The following SMURF1 variants were observed in gnomAD, a reference collection of about 807,000 sequenced individuals.
The protein encoded by SMURF1 is E3 ubiquitin-protein ligase SMURF1.
A neutral mutation model predicts 98.0 loss-of-function variants in SMURF1; 44 were observed. The ratio of observed to expected loss-of-function variants is 0.45; its 90% CI spans 0.35 to 0.58. The LOEUF (loss-of-function observed/expected upper bound fraction) is 0.58. Among genes scored for constraint, SMURF1 ranks in the 20% least tolerant of loss-of-function variants. The pLI, the probability that SMURF1 is intolerant of heterozygous loss-of-function variation, is 0.00. For missense variants in SMURF1, 687 were observed against 938.4 expected (o/e 0.73, Z 3.50); for synonymous variants, 396 against 374.9 (o/e 1.06, Z -0.65).
At chr7:99,061,716 A>T in intron 2 of SMURF1, 83 bp downstream of exon 2, 1 of 1,103,296 alleles carries the variant, frequency 9.1e-7, no homozygotes. Context: ...TGAAGAGAAT[A>T]TACCCAATCT....
Position 99,030,232 on chromosome 7 carries a change from CTG to C in SMURF1, c.*350_*351del. On this transcript the variant is annotated 3_prime_UTR_variant, in exon 18 of 18. Coordinates refer to ENST00000361368, the MANE Select transcript of SMURF1 (RefSeq NM_181349.3). ...CAATCAGCCACGCCCAGTCCCCTAA[CTG>C]TGAGTTGATGCTCCCGTAAAGAGCT... The C allele has an allele frequency of 4.6e-6, 1 of 217,136 alleles. No homozygotes were observed. Among genetic ancestry groups the C allele is most frequent in the Non-Finnish European group, 9.3e-6 (1 of 107,540 alleles). The allele number at this position is 217,136 out of a possible 1,614,324, so 13.5% of individuals were successfully genotyped here.
intron 1 of SMURF1, among the ~76,000 whole-genome samples, chr7:99,096,633 T>C (rs1282964607): frequency 2.6e-5 from 4 of 152,216 alleles, no homozygotes; most frequent in Non-Finnish European, 5.9e-5. Flanking sequence ...TATATGTGTT[T>C]GTACCTAACA....
chr7:99,095,544 A>G (rs933325274), intron 1 of SMURF1, among the ~76,000 whole-genome samples: 5 of 152,166 alleles, frequency 3.3e-5, no homozygotes, highest in African/African-American at 1.2e-4. Context: ...CTTTTCCCAC[A>G]AGACACTTAT....
Position 99,048,025 on chromosome 7 carries a change from TA to T in SMURF1, c.954-144del. On this transcript the variant is annotated intron_variant, in intron 9 of 17. Coordinates refer to ENST00000361368, the MANE Select transcript of SMURF1 (RefSeq NM_181349.3). ...TTGTTTCCCTGATGACGTAACCAGG[TA>T]CCTAGCTAGCTGTGTCAAACTTGCT... is the stretch of plus-strand genomic sequence containing the variant. The T allele has an allele frequency of 8.2e-6, 6 of 736,048 alleles. No individual in the cohort carries two copies. In the South Asian group the frequency reaches 1.0e-4, roughly 12 times the overall value. 45.6% of individuals were successfully genotyped at this position (736,048 alleles called of 1,614,324 possible). A position where few individuals can be genotyped will look rare whatever the true frequency, so the allele number is the denominator to read the frequency against.
At chr7:99,054,971 CGAG>C (rs1278007283) in intron 5 of SMURF1, 106 bp from the exon 6 acceptor site, 2 of 1,043,840 alleles carry the variant, frequency 1.9e-6, no homozygotes, top group African/African-American at 1.6e-5. Context: ...TCATAAAAAA[CGAG>C]GCATATGTGT....
intron 1 of SMURF1, among the ~76,000 whole-genome samples, chr7:99,108,112 A>C (rs1424974827): frequency 6.6e-6 from 1 of 152,162 alleles, no homozygotes; most frequent in Non-Finnish European, 1.5e-5. Context: ...ACTGTAATGA[A>C]ATTCACAACC....
Position 99,047,254 on chromosome 7 carries a change from A to G in SMURF1, c.1152+430T>C, listed in dbSNP as rs190697146. Reference sequence around the variant, plus strand: ...AAGGAGAGCCCTCAGATGACATCTCATACAAGAAGAGAGGAGGGAGACTAC... The same window carrying G: ...AAGGAGAGCCCTCAGATGACATCTCGTACAAGAAGAGAGGAGGGAGACTAC... On this transcript the variant is annotated intron_variant, in intron 10 of 17. Transcript: ENST00000361368. 1.1e-4 allele frequency among the ~76,000 whole-genome samples: 16 copies of G among 152,290 alleles called. No individual in the cohort carries two copies. In the East Asian group the frequency reaches 3.1e-3, roughly 29 times the overall value.
At chr7:99,093,968 T>G (rs1253230120) in intron 1 of SMURF1, among the ~76,000 whole-genome samples, 1 of 152,182 alleles carries the variant, frequency 6.6e-6, no homozygotes, top group African/African-American at 2.4e-5. Context: ...CATTAATAGC[T>G]CAGTTGAAAT....
rs972849290 is a variant in SMURF1 at position 99,060,725 on chromosome 7, C to A, written c.95-18G>T. The stretch of plus-strand genomic sequence containing the variant: ...AGGGAGCCCTAGAGGAGAGAGGAGA[C>A]CCACACCTAGATGAGACCTCACATC... On this transcript the variant is annotated intron_variant, in intron 2 of 17. Transcript: ENST00000361368. 1.3e-6 allele frequency: 2 copies of A among 1,566,000 alleles called. No homozygotes were observed. Among genetic ancestry groups the A allele is most frequent in the South Asian group, 1.1e-5 (1 of 89,466 alleles).
At position 99,047,812 on chromosome 7, in the gene SMURF1, C is replaced by G; in HGVS notation, c.1024G>C (p.Glu342Gln). Reference sequence around the variant, plus strand: ...CTTTCGTATCTCTGGGCAGGAAGCTCCTCGTCCTCCAGAGAGCCCTCACTG... The same window carrying G: ...CTTTCGTATCTCTGGGCAGGAAGCTGCTCGTCCTCCAGAGAGCCCTCACTG... ...LPSEGSLEDEELPAQRYERDL... is the reference protein window; with the variant it reads ...LPSEGSLEDEQLPAQRYERDL... The change falls in exon 10 of 18, where the codon GAG (glutamate) becomes CAG (glutamine). Residue 342 changes from glutamate (E) to glutamine (Q), a missense_variant. Around this residue, in one of 2 missense-constraint regions of SMURF1, gnomAD observed 415 missense variants for 508.4 expected, o/e 0.82. Transcript: ENST00000361368. 1 of 1,614,202 alleles carries G rather than the reference C, an allele frequency of 6.2e-7. No individual in the cohort carries two copies.
chr7:99,063,265 ATATATATAT>A (rs1796098471), intron 1 of SMURF1, among the ~76,000 whole-genome samples: 5 of 8,158 alleles, frequency 6.1e-4, no homozygotes, highest in Non-Finnish European at 1.6e-3. Flanking sequence ...ATATATATAT[ATATATATAT>A]ATATATATAT....
chr7:99,086,337 C>G (rs1049692213), intron 1 of SMURF1, among the ~76,000 whole-genome samples: 1 of 150,058 alleles, frequency 6.7e-6, no homozygotes, highest in Non-Finnish European at 1.5e-5. Context: ...CAGAGTGAGA[C>G]TCTCTCAAAA....
intron 1 of SMURF1, among the ~76,000 whole-genome samples, chr7:99,063,249 A>G (rs1183674475): frequency 9.8e-4 from 3 of 3,058 alleles, no homozygotes; most frequent in African/African-American, 1.9e-3. Context: ...ATTTATATAT[A>G]TATATATATA....
At position 99,040,322 on chromosome 7, in the gene SMURF1, C is replaced by G. The variant is rs80109397; in HGVS notation, c.1550+56G>C. 8,447 of 1,413,462 alleles carry G rather than the reference C, an allele frequency of 6.0e-3. 35 individuals carry two copies. Among genetic ancestry groups the G allele is most frequent in the Non-Finnish European group, 6.8e-3 (7,353 of 1,075,300 alleles). 87.6% of individuals were successfully genotyped at this position (1,413,462 alleles called of 1,614,324 possible). Reference sequence around the variant, plus strand: ...GCGCGCGCGCGCACGCGCATACATACGATAGACGTGGTGGTGGGCCCTAAG... The same window carrying G: ...GCGCGCGCGCGCACGCGCATACATAGGATAGACGTGGTGGTGGGCCCTAAG... On this transcript the variant is annotated intron_variant, in intron 13 of 17. Coordinates refer to ENST00000361368, the MANE Select transcript of SMURF1 (RefSeq NM_181349.3).
intron 1 of SMURF1, among the ~76,000 whole-genome samples, chr7:99,128,758 T>C (rs1268947669): frequency 1.3e-5 from 2 of 152,242 alleles, no homozygotes; most frequent in Non-Finnish European, 2.9e-5. Context: ...CTCTAAGAGG[T>C]TACCGGCACT....
chr7:99,122,062 C>T (rs1797641348), intron 1 of SMURF1, among the ~76,000 whole-genome samples: 1 of 152,208 alleles, frequency 6.6e-6, no homozygotes, highest in Non-Finnish European at 1.5e-5. Flanking sequence ...GGGCAGGTGG[C>T]TCACGCCTGT....
At chr7:99,130,372 G>A (rs553839060) in intron 1 of SMURF1, among the ~76,000 whole-genome samples, 15 of 152,292 alleles carry the variant, frequency 9.8e-5, no homozygotes, top group African/African-American at 3.4e-4. Flanking sequence ...AGAATCACTT[G>A]AACCCAGAAG....
At chr7:99,107,188 C>A (rs1043415585) in intron 1 of SMURF1, among the ~76,000 whole-genome samples, 21 of 152,198 alleles carry the variant, frequency 1.4e-4, no homozygotes, top group African/African-American at 4.8e-4. Context: ...TCTGCCACTA[C>A]AAAGGACCCT....
rs1798212121 is a variant in SMURF1, at chr7:99,143,933, C to A, written c.-153G>T. 2 of 545,560 alleles carry A rather than the reference C, an allele frequency of 3.7e-6. No homozygotes were observed. Among genetic ancestry groups the A allele is most frequent in the Non-Finnish European group, 5.7e-6 (2 of 348,182 alleles). The allele number at this position is 545,560 out of a possible 1,614,324, so 33.8% of individuals were successfully genotyped here. A position where few individuals can be genotyped will look rare whatever the true frequency, so the allele number is the denominator to read the frequency against. On this transcript the variant is annotated 5_prime_UTR_variant, in exon 1 of 18. Coordinates refer to ENST00000361368, the MANE Select transcript of SMURF1 (RefSeq NM_181349.3). ...AAACTCCGCGGCCCAGGCGTCCGGG[C>A]GGCAGGCGGATGGTCGAGCCGGGAG...
Sources: allele counts gnomAD v4.1 joint callset (sites outside exome capture counted in the v4.1 genomes callset), GRCh38; gene constraint gnomAD v4.1.1; regional missense constraint gnomAD v4.1.1; transcripts MANE v1.5; gene names NCBI Gene and HGNC (gene_info 2026-07-23, HGNC 2026-07-21).